NCK1: variants seen among roughly 807,000 people sequenced by gnomAD.
The protein encoded by NCK1 is NCK adaptor protein 1, also known as SH2/SH3 adapter protein NCK1.
NCK1 carries 19 observed loss-of-function variants against 36.6 expected under a neutral mutation model. The observed-to-expected ratio is 0.52, with a 90% CI of 0.36 to 0.76. NCK1 has a LOEUF of 0.76. Ranked by LOEUF, NCK1 falls within the 30% of genes least tolerant of loss-of-function variation. NCK1 has a pLI of 0.00. For missense variants in NCK1, 358 were observed against 445.6 expected (o/e 0.80, Z 1.77); for synonymous variants, 165 against 156.0 (o/e 1.06, Z -0.43).
intron 1 of NCK1, among the ~76,000 whole-genome samples, chr3:136,893,183 T>TACACACACACACACACACACACACC (rs1560038389): frequency 5.6e-5 from 1 of 17,900 alleles, no homozygotes; most frequent in African/African-American, 1.4e-4. Flanking sequence ...TGTGTGTATA[T>TACACACACACACACACACACACACC]ATATATATAC....
chr3:136,933,190 C>T (rs146424978), intron 2 of NCK1, among the ~76,000 whole-genome samples: 2 of 152,238 alleles, frequency 1.3e-5, no homozygotes, highest in African/African-American at 2.4e-5. Flanking sequence ...GACATTGATT[C>T]GAGTCTGAGA....
chr3:136,949,811 T>C lies in NCK1; in HGVS notation c.*1358T>C, dbSNP rs1940927004. On this transcript the variant is annotated 3_prime_UTR_variant, in exon 4 of 4. Coordinates refer to ENST00000481752, the MANE Select transcript of NCK1 (RefSeq NM_001291999.2). ...ATATCTAATACGCCAGAATTACTGA[T>C]GGTAAAATTGAAGTTGTGTAACTTG... 6.7e-6 allele frequency: 1 copy of C among 150,004 alleles called. No individual in the cohort carries two copies. Among genetic ancestry groups the C allele is most frequent in the Non-Finnish European group, 1.5e-5 (1 of 67,430 alleles). 9.3% of individuals were successfully genotyped at this position (150,004 alleles called of 1,614,324 possible).
rs1938450401 is a variant in NCK1 at position 136,867,097 on chromosome 3, TTTC to T, written c.-19+4747_-19+4749del. On this transcript the variant is annotated intron_variant, in intron 1 of 3. Coordinates refer to ENST00000481752, the MANE Select transcript of NCK1 (RefSeq NM_001291999.2). The stretch of plus-strand genomic sequence containing the variant: ...CTTTCTTTCTTTCTTTCTTTCTTTC[TTTC>T]TTTCTTTCTTTCTTTCTTTGTTTCT... Among the ~76,000 whole-genome samples the T allele has an allele frequency of 1.9e-4, 5 of 26,040 alleles. 1 individual carries two copies. Among genetic ancestry groups the T allele is most frequent in the African/African-American group, 7.1e-4 (5 of 7,004 alleles). 17.1% of individuals were successfully genotyped at this position (26,040 alleles called of 152,430 possible).
In NCK1 at chr3:136,949,407, C is replaced by T. The variant is rs1940915780; in HGVS notation, c.*954C>T. On this transcript the variant is annotated 3_prime_UTR_variant, in exon 4 of 4. Transcript: ENST00000481752. The stretch of plus-strand genomic sequence containing the variant: ...ATGGTATTACCTATTTTCATTTCCT[C>T]TTTTCAGCTTTAAGTTTTGTTGATT... 1 of 79,268 alleles carries T rather than the reference C, an allele frequency of 1.3e-5. No individual in the cohort carries two copies. Among genetic ancestry groups the T allele is most frequent in the Non-Finnish European group, 2.8e-5 (1 of 35,102 alleles). 4.9% of individuals were successfully genotyped at this position (79,268 alleles called of 1,614,324 possible).
intron 2 of NCK1, among the ~76,000 whole-genome samples, chr3:136,936,447 G>C (rs937550507): frequency 6.6e-6 from 1 of 152,166 alleles, no homozygotes; most frequent in East Asian, 1.9e-4. Flanking sequence ...GAACAGCGTT[G>C]TGATAAACAT....
At chr3:136,888,339 C>A (rs768660089) in intron 1 of NCK1, among the ~76,000 whole-genome samples, 5 of 152,128 alleles carry the variant, frequency 3.3e-5, no homozygotes, top group Non-Finnish European at 7.3e-5. Flanking sequence ...ATACAGTTCA[C>A]TCATTAAAAG....
chr3:136,876,251 A>C (rs1576944787), intron 1 of NCK1, among the ~76,000 whole-genome samples: 1 of 152,334 alleles, frequency 6.6e-6, no homozygotes. Context: ...GAACTAGAAA[A>C]GCAAGAGCAA....
In NCK1 at chr3:136,945,855, C is replaced by A. The variant is rs777123597; in HGVS notation, c.499C>A (p.Pro167Thr). ...SNYVTEEGDS[P>T]LGDHVGSLSE... ...CTATGTAACTGAAGAAGGTGACAGTCCTTTGGGTGACCATGTGGGTTCTCT... is the reference window on the plus strand; with the variant it reads ...CTATGTAACTGAAGAAGGTGACAGTACTTTGGGTGACCATGTGGGTTCTCT... Residue 167 changes from proline to threonine, a missense_variant, in exon 3 of 4, where the codon CCT becomes ACT. Transcript: ENST00000481752. 1 of 1,614,102 alleles carries A rather than the reference C, an allele frequency of 6.2e-7. No individual in the cohort carries two copies. Among genetic ancestry groups the A allele is most frequent in the Non-Finnish European group, 8.5e-7 (1 of 1,179,998 alleles).
In NCK1 at chr3:136,899,604, G is replaced by C. The variant is rs578216528; in HGVS notation, c.-18-28380G>C. ...AAAAATTTTCCTCTGTTGTACCGCA[G>C]CTTTAGATGCTGCTTTTCTTTTCCC... On this transcript the variant is annotated intron_variant, in intron 1 of 3. Transcript: ENST00000481752. 2.3e-5 allele frequency: 15 copies of C among 648,652 alleles called. No individual in the cohort carries two copies. The African/African-American group carries it at 2.3e-4, about 10-fold the overall frequency. The allele number at this position is 648,652 out of a possible 1,614,324, so 40.2% of individuals were successfully genotyped here.
chr3:136,944,669 A>G (rs922493535), intron 2 of NCK1, among the ~76,000 whole-genome samples: 3 of 152,228 alleles, frequency 2.0e-5, no homozygotes, highest in African/African-American at 7.2e-5. Flanking sequence ...TAGAAGGATC[A>G]GGATTTGGAG....
intron 1 of NCK1, among the ~76,000 whole-genome samples, chr3:136,926,894 A>G (rs773539681): frequency 3.3e-5 from 5 of 152,162 alleles, no homozygotes; most frequent in Admixed American, 2.0e-4. Context: ...TTTGGAAGCA[A>G]TATTCTGTAT....
chr3:136,943,064 T>G (rs1940717365), intron 2 of NCK1, among the ~76,000 whole-genome samples: 1 of 152,180 alleles, frequency 6.6e-6, no homozygotes, highest in African/African-American at 2.4e-5. Context: ...GGCAGGCAAC[T>G]TAGGATGCGA....
chr3:136,925,438 C>G (rs768940605), intron 1 of NCK1, among the ~76,000 whole-genome samples: 2 of 152,190 alleles, frequency 1.3e-5, no homozygotes, highest in African/African-American at 2.4e-5. Flanking sequence ...GGCAATACAT[C>G]TGGCAGAAGT....
chr3:136,877,090 CCTCT>C (rs1304363377), intron 1 of NCK1, among the ~76,000 whole-genome samples: 7 of 152,034 alleles, frequency 4.6e-5, no homozygotes, highest in Non-Finnish European at 8.8e-5. Context: ...TTTCAGCTTG[CCTCT>C]CTGAGTAATT....
intron 1 of NCK1, among the ~76,000 whole-genome samples, chr3:136,879,198 A>C (rs980175003): frequency 6.6e-6 from 1 of 152,124 alleles, no homozygotes; most frequent in African/African-American, 2.4e-5. Flanking sequence ...TTCTTTCATA[A>C]AGTAGAGGAA....
In NCK1 at chr3:136,918,550, C is replaced by G. The variant is rs1940023234; in HGVS notation, c.-18-9434C>G. Among the ~76,000 whole-genome samples the G allele has an allele frequency of 2.0e-5, 3 of 152,182 alleles. No individual in the cohort carries two copies. In the South Asian group the frequency reaches 6.2e-4, roughly 32 times the overall value. On this transcript the variant is annotated intron_variant, in intron 1 of 3. Coordinates refer to ENST00000481752, the MANE Select transcript of NCK1 (RefSeq NM_001291999.2). The stretch of plus-strand genomic sequence containing the variant: ...GATTTTGGTATTGGGGAGGAGGAAA[C>G]TGGCACTGATTTCCCTTAGATTAAC...
At chr3:136,892,332 A>G (rs1458712502) in intron 1 of NCK1, among the ~76,000 whole-genome samples, 1 of 152,206 alleles carries the variant, frequency 6.6e-6, no homozygotes, top group Non-Finnish European at 1.5e-5. Context: ...GTCCTTTCAT[A>G]TACAAAGTAT....
At chr3:136,939,446 C>G (rs1273786424) in intron 2 of NCK1, among the ~76,000 whole-genome samples, 2 of 151,966 alleles carry the variant, frequency 1.3e-5, no homozygotes, top group African/African-American at 4.8e-5. Flanking sequence ...TTTTTCTGTT[C>G]TCTTTTGTGT....
intron 1 of NCK1, among the ~76,000 whole-genome samples, chr3:136,871,526 T>G (rs1938617947): frequency 6.6e-6 from 1 of 152,264 alleles, no homozygotes; most frequent in Admixed American, 6.5e-5. Flanking sequence ...AATCCAGATG[T>G]GGAACATTTT....
Sources: gnomAD v4.1 joint callset for allele counts (sites outside exome capture counted in the v4.1 genomes callset) on GRCh38, gnomAD v4.1.1 for gene constraint, MANE v1.5 for transcripts, NCBI Gene and HGNC (gene_info 2026-07-23, HGNC 2026-07-21) for gene names.